Variants in NTM observed in about 807,000 individuals in gnomAD.
NTM encodes the protein IgLON family member 2.
NTM carries 13 observed loss-of-function variants against 42.1 expected under a neutral mutation model. The ratio of observed to expected loss-of-function variants is 0.31; its 90% CI spans 0.20 to 0.49. The LOEUF is 0.49. Among genes scored for constraint, NTM ranks in the 20% least tolerant of loss-of-function variants. NTM has a pLI of 0.99. For synonymous variants in NTM, 187 were observed against 179.2 expected, an observed-to-expected ratio of 1.04 and a Z score of -0.35; for missense variants, 373 against 452.8, an observed-to-expected ratio of 0.82 and a Z score of 1.60.
At chr11:131,818,893 A>G (rs898084581) in intron 1 of NTM, among the ~76,000 whole-genome samples, 16 of 152,186 alleles carry the variant, frequency 1.1e-4, no homozygotes, top group Admixed American at 9.2e-4. Flanking sequence ...AAAGGAACTC[A>G]GTACCATTTA....
At chr11:132,172,147 C>T (rs767470012) in intron 3 of NTM, among the ~76,000 whole-genome samples, 5 of 152,186 alleles carry the variant, frequency 3.3e-5, no homozygotes, top group African/African-American at 7.2e-5. Context: ...TTGGACCACT[C>T]TTGGTCCAAA....
In NTM at chr11:131,931,586, G is replaced by A. The variant is rs139285772; in HGVS notation, c.167+19938G>A. ...GCACACACATCCCCATGTGTAGGGC[G>A]TTGCACTAGGTGATGTTTGGGCTAC... is the stretch of plus-strand genomic sequence containing the variant. On this transcript the variant is annotated intron_variant, in intron 2 of 8. Coordinates refer to ENST00000683400, the MANE Select transcript of NTM (RefSeq NM_001352005.2). Among the ~76,000 whole-genome samples the A allele has an allele frequency of 2.6e-3, 393 of 151,808 alleles. 2 individuals are homozygous for A. The highest frequency in any genetic ancestry group is 9.0e-3 in the African/African-American group (371 of 41,370).
intron 1 of NTM, among the ~76,000 whole-genome samples, chr11:131,408,343 C>T (rs1946035129): frequency 6.6e-6 from 1 of 152,192 alleles, no homozygotes; most frequent in African/African-American, 2.4e-5. Flanking sequence ...ATGACAGAGG[C>T]AGCTGTGAAA....
chr11:131,392,564 T>G (rs1944144135), intron 1 of NTM, among the ~76,000 whole-genome samples: 1 of 152,202 alleles, frequency 6.6e-6, no homozygotes, highest in African/African-American at 2.4e-5. Flanking sequence ...CAATAAAGCC[T>G]CGCCTTGAGA....
intron 1 of NTM, 192 bp downstream of exon 1, chr11:131,371,080 C>G: frequency 1.0e-6 from 1 of 985,372 alleles, no homozygotes; most frequent in Non-Finnish European, 1.2e-6. Flanking sequence ...TGGCTGCTAC[C>G]GGAATGGGGG....
intron 2 of NTM, among the ~76,000 whole-genome samples, chr11:132,077,894 C>A (rs1297037035): frequency 6.6e-6 from 1 of 152,178 alleles, no homozygotes; most frequent in Non-Finnish European, 1.5e-5. Flanking sequence ...AACTCCCACA[C>A]CTATCCAACA....
At chr11:131,759,085 G>A (rs2083743774) in intron 1 of NTM, among the ~76,000 whole-genome samples, 1 of 152,138 alleles carries the variant, frequency 6.6e-6, no homozygotes, top group African/African-American at 2.4e-5. Context: ...ATATTATTTG[G>A]ATTAAATTCT....
At position 131,512,971 on chromosome 11, in the gene NTM, A is replaced by T. The variant is rs2048446719; in HGVS notation, c.82+142083A>T. Reference sequence around the variant, plus strand: ...CAGTCCTACGCTTGGCACCACTGAGATCTCGGGACATTTCCTCTTGTTCTT... The same window carrying T: ...CAGTCCTACGCTTGGCACCACTGAGTTCTCGGGACATTTCCTCTTGTTCTT... On this transcript the variant is annotated intron_variant, in intron 1 of 8. Coordinates refer to ENST00000683400, the MANE Select transcript of NTM (RefSeq NM_001352005.2). 2.6e-5 allele frequency among the ~76,000 whole-genome samples: 4 copies of T among 152,036 alleles called. No homozygotes were observed. The South Asian group carries it at 8.3e-4, about 32-fold the overall frequency.
rs1419026368 is a variant in NTM, at chr11:132,213,969, C to T, written c.526+1822C>T. On this transcript the variant is annotated intron_variant, in intron 4 of 8. Coordinates refer to ENST00000683400, the MANE Select transcript of NTM (RefSeq NM_001352005.2). ...TGGGATGGTCTCGATCTCCTGACCTCGTGATCCGCCCGCCTCGGCCTCCCA... is the reference window on the plus strand; with the variant it reads ...TGGGATGGTCTCGATCTCCTGACCTTGTGATCCGCCCGCCTCGGCCTCCCA... 6.5e-5 allele frequency among the ~76,000 whole-genome samples: 4 copies of T among 61,866 alleles called. 1 individual carries two copies. Among genetic ancestry groups the T allele is most frequent in the East Asian group, 4.5e-4 (2 of 4,454 alleles). 40.6% of individuals were successfully genotyped at this position (61,866 alleles called of 152,430 possible). A position where few individuals can be genotyped will look rare whatever the true frequency, so the allele number is the denominator to read the frequency against.
chr11:132,292,877 G>A (rs1016971502), intron 4 of NTM, among the ~76,000 whole-genome samples: 2 of 150,522 alleles, frequency 1.3e-5, no homozygotes, highest in Non-Finnish European at 2.9e-5. Context: ...TCCCTCAAGC[G>A]ACTGAACAAA....
chr11:131,727,322 G>A (rs1040232717), intron 1 of NTM, among the ~76,000 whole-genome samples: 2 of 152,196 alleles, frequency 1.3e-5, no homozygotes, highest in East Asian at 3.8e-4. Context: ...TATCTTAAAA[G>A]TGGGGGACAA....
chr11:131,698,130 T>A (rs2075673095), intron 1 of NTM, among the ~76,000 whole-genome samples: 1 of 151,748 alleles, frequency 6.6e-6, no homozygotes, highest in African/African-American at 2.4e-5. Context: ...TATTGGGATC[T>A]TTTTTCTAAT....
At chr11:132,326,874 C>T (rs1436112033) in intron 7 of NTM, among the ~76,000 whole-genome samples, 1 of 152,146 alleles carries the variant, frequency 6.6e-6, no homozygotes, top group Non-Finnish European at 1.5e-5. Context: ...TTATACTTAC[C>T]TTACCTCAGA....
chr11:131,578,571 T>C, intron 1 of NTM, among the ~76,000 whole-genome samples: 1 of 152,200 alleles, frequency 6.6e-6, no homozygotes. Context: ...CTGAATATAT[T>C]CATCATGAGG....
intron 2 of NTM, among the ~76,000 whole-genome samples, chr11:131,933,838 A>G (rs2058907213): frequency 6.6e-6 from 1 of 150,998 alleles, no homozygotes; most frequent in Admixed American, 6.7e-5. Flanking sequence ...TATATTTAAT[A>G]ATAATATAAA....
chr11:131,545,387 T>C (rs1592003646), intron 1 of NTM, among the ~76,000 whole-genome samples: 1 of 152,196 alleles, frequency 6.6e-6, no homozygotes, highest in East Asian at 1.9e-4. Flanking sequence ...CTCAGCTTTC[T>C]CATTCTCTTT....
intron 3 of NTM, among the ~76,000 whole-genome samples, chr11:132,189,537 ACTT>A: frequency 6.6e-6 from 1 of 152,146 alleles, no homozygotes; most frequent in Non-Finnish European, 1.5e-5. Context: ...AAGGAACCGA[ACTT>A]GGACTTCTCC....
chr11:132,263,072 A>C (rs964592835), intron 4 of NTM, among the ~76,000 whole-genome samples: 3 of 152,240 alleles, frequency 2.0e-5, no homozygotes, highest in African/African-American at 7.2e-5. Context: ...GCTCAAGAAT[A>C]GTCCTCTTTT....
intron 1 of NTM, among the ~76,000 whole-genome samples, chr11:131,436,090 T>C (rs1046164472): frequency 6.6e-6 from 1 of 152,208 alleles, no homozygotes; most frequent in African/African-American, 2.4e-5. Flanking sequence ...GGATTATGTT[T>C]ATTGATTTGC....
Sources: allele counts gnomAD v4.1 joint callset (sites outside exome capture counted in the v4.1 genomes callset), GRCh38; gene constraint gnomAD v4.1.1; transcripts MANE v1.5; gene names NCBI Gene and HGNC (gene_info 2026-07-23, HGNC 2026-07-21).